The following GDA variants were observed in gnomAD, a reference collection of about 807,000 sequenced individuals.
GDA encodes the protein cytoplasmic PSD-95 interactor.
GDA carries 18 observed loss-of-function variants against 59.6 expected under a neutral mutation model. The ratio of observed to expected loss-of-function variants is 0.30; its 90% CI spans 0.21 to 0.45. GDA has a LOEUF of 0.45. Ranked by LOEUF, GDA falls within the 20% of genes least tolerant of loss-of-function variation. The probability of loss-of-function intolerance (pLI) is 1.00; values close to 1 mark genes in which losing one functional copy is unlikely to be tolerated. For missense variants in GDA, 427 were observed against 552.3 expected, an observed-to-expected ratio of 0.77 and a Z score of 2.27; for synonymous variants, 201 against 201.1, an observed-to-expected ratio of 1.00 and a Z score of 0.00.
At chr9:72,171,222 T>C (rs1829936341) in intron 1 of GDA, among the ~76,000 whole-genome samples, 1 of 152,254 alleles carries the variant, frequency 6.6e-6, no homozygotes, top group Admixed American at 6.5e-5. Flanking sequence ...TTCCATCTGT[T>C]GACCTTGCTA....
rs547765905 is a variant in GDA, at chr9:72,212,399, G to A, written c.473-1487G>A. Among the ~76,000 whole-genome samples the A allele has an allele frequency of 3.3e-5, 5 of 151,836 alleles. No individual in the cohort carries two copies. The East Asian group carries it at 5.8e-4, about 18-fold the overall frequency. On this transcript the variant is annotated intron_variant, in intron 4 of 13. Coordinates refer to ENST00000358399, the MANE Select transcript of GDA (RefSeq NM_004293.5). ...CAGGAGGCTGAGGCAGGAGAATGACGTGAACCCAGGAGGCAGAGCTTTCAG... is the reference window on the plus strand; with the variant it reads ...CAGGAGGCTGAGGCAGGAGAATGACATGAACCCAGGAGGCAGAGCTTTCAG...
chr9:72,239,117 C>T (rs1422253088), intron 10 of GDA, among the ~76,000 whole-genome samples: 1 of 152,138 alleles, frequency 6.6e-6, no homozygotes, highest in Non-Finnish European at 1.5e-5. Context: ...CAAAGCTAAT[C>T]CAGTCGGGAA....
chr9:72,227,058 CAG>C (rs1302111339), intron 8 of GDA, among the ~76,000 whole-genome samples: 1 of 152,104 alleles, frequency 6.6e-6, no homozygotes, highest in African/African-American at 2.4e-5. Flanking sequence ...GCGGAGCTTG[CAG>C]AGAGTCGAGA....
intron 1 of GDA, among the ~76,000 whole-genome samples, chr9:72,119,526 G>A (rs964664696): frequency 6.6e-6 from 1 of 152,014 alleles, no homozygotes; most frequent in African/African-American, 2.4e-5. Flanking sequence ...TATCCCTTTT[G>A]CTAAATACAT....
intron 10 of GDA, among the ~76,000 whole-genome samples, chr9:72,235,875 T>C (rs1481725759): frequency 6.6e-6 from 1 of 152,024 alleles, no homozygotes; most frequent in Non-Finnish European, 1.5e-5. Flanking sequence ...AACACTCATC[T>C]GAAGGAAAAA....
At chr9:72,164,734 A>G (rs1250849976) in intron 1 of GDA, among the ~76,000 whole-genome samples, 1 of 151,634 alleles carries the variant, frequency 6.6e-6, no homozygotes, top group Non-Finnish European at 1.5e-5. Context: ...CTGTAATCCC[A>G]GCACTTTGGG....
intron 1 of GDA, among the ~76,000 whole-genome samples, chr9:72,172,209 G>A (rs1249346283): frequency 6.5e-5 from 9 of 138,906 alleles, no homozygotes; most frequent in Admixed American, 6.1e-4. Context: ...TAGGGGTTGT[G>A]TACAAAACAT....
chr9:72,202,686 G>A lies in GDA; in HGVS notation c.328G>A (p.Ala110Thr), dbSNP rs1293198591. The part of the protein sequence containing the change: ...LEWLTKYTFP[A>T]EHRFQNIDFA... ...GTGGCTGACCAAGTACACATTTCCT[G>A]CAGAACACAGATTCCAGAACATCGA... The change falls in exon 3 of 14, where the codon GCA becomes ACA. Residue 110 changes from alanine (A) to threonine (T), a missense_variant. Ala to Thr is a moderately conservative substitution (Grantham distance 58, BLOSUM62 0). Transcript: ENST00000358399. 2 of 1,613,732 alleles carry A rather than the reference G, an allele frequency of 1.2e-6. No individual in the cohort carries two copies. Among genetic ancestry groups the A allele is most frequent in the Non-Finnish European group, 1.7e-6 (2 of 1,179,778 alleles).
In GDA at chr9:72,202,592, G is replaced by C. The variant is rs752037406; in HGVS notation, c.234G>C (p.Leu78=). 1.2e-6 allele frequency: 2 copies of C among 1,608,686 alleles called. No individual in the cohort carries two copies. Among genetic ancestry groups the C allele is most frequent in the Admixed American group, 3.3e-5 (2 of 59,710 alleles). ...LSHHEFFMPG[L]VDTHIHASQY... ...CCAGTGAGTTCTTCATGCCTGGGCT[G>C]GTTGATACACACATCCATGCCTCTC... Residue 78 remains leucine (L), a synonymous_variant, in exon 3 of 14, where the codon CTG becomes CTC. Transcript: ENST00000358399.
intron 1 of GDA, among the ~76,000 whole-genome samples, chr9:72,184,141 GC>G (rs557230590): frequency 2.4e-3 from 368 of 152,172 alleles, no homozygotes; most frequent in Non-Finnish European, 4.0e-3. Flanking sequence ...CACATGCACA[GC>G]CCCCTCATTA....
At chr9:72,227,140 C>T (rs925798155) in intron 8 of GDA, among the ~76,000 whole-genome samples, 11 of 152,066 alleles carry the variant, frequency 7.2e-5, no homozygotes, top group African/African-American at 2.7e-4. Flanking sequence ...ATTCTGTAGT[C>T]ACTGAACCGT....
intron 1 of GDA, among the ~76,000 whole-genome samples, chr9:72,143,380 AG>A (rs1826512916): frequency 6.7e-6 from 1 of 150,166 alleles, no homozygotes; most frequent in South Asian, 2.1e-4. Flanking sequence ...ACACCTGCCT[AG>A]GCCTCCCAAA....
At chr9:72,144,658 A>G (rs1826557896), upstream of GDA, among the ~76,000 whole-genome samples, 1 of 152,294 alleles carries the variant, frequency 6.6e-6, no homozygotes, top group African/African-American at 2.4e-5. Context: ...CCATCTCTCT[A>G]TTGTCAGTAA....
downstream of GDA, chr9:72,253,374 C>G (rs1325815981): frequency 6.6e-6 from 1 of 152,156 alleles, no homozygotes; most frequent in Admixed American, 6.5e-5. Flanking sequence ...CGTCAAGTAT[C>G]CCCTAGGTAT....
rs73650305 is a variant in GDA at position 72,157,463 on chromosome 9, C to T, written c.123+7781C>T. Among the ~76,000 whole-genome samples the T allele has an allele frequency of 1.9e-3, 289 of 152,322 alleles. 2 individuals are homozygous for T. Among genetic ancestry groups the T allele is most frequent in the African/African-American group, 6.7e-3 (277 of 41,572 alleles). On this transcript the variant is annotated intron_variant, in intron 1 of 13. Transcript: ENST00000358399. ...GCTTTTCAATGAACAATATTTTACA[C>T]TTTACAAGAATAACTACCTTCTCCT...
chr9:72,141,254 G>A (rs553816456), intron 1 of GDA, among the ~76,000 whole-genome samples: 100 of 152,150 alleles, frequency 6.6e-4, no homozygotes, highest in Admixed American at 1.6e-3. Flanking sequence ...ATTAGGGCTG[G>A]ATTCTTCTCA....
intron 1 of GDA, among the ~76,000 whole-genome samples, chr9:72,129,359 C>T (rs748633407): frequency 5.9e-5 from 9 of 152,216 alleles, no homozygotes; most frequent in Non-Finnish European, 1.3e-4. Context: ...GGCACGGCTG[C>T]GTTCTCCACG....
At chr9:72,143,795 T>C (rs1826526825) in intron 1 of GDA, among the ~76,000 whole-genome samples, 1 of 152,234 alleles carries the variant, frequency 6.6e-6, no homozygotes, top group Non-Finnish European at 1.5e-5. Context: ...ATTTGAACTT[T>C]TCTAAACAAA....
At chr9:72,145,744 A>G (rs767765758), upstream of GDA, among the ~76,000 whole-genome samples, 5 of 152,208 alleles carry the variant, frequency 3.3e-5, no homozygotes, top group Non-Finnish European at 7.4e-5. Context: ...ATGAAGCTTT[A>G]AAATTTTTCT....
Sources: allele counts gnomAD v4.1 joint callset (sites outside exome capture counted in the v4.1 genomes callset), GRCh38; gene constraint gnomAD v4.1.1; transcripts MANE v1.5; gene names NCBI Gene and HGNC (gene_info 2026-07-23, HGNC 2026-07-21).